CDH18: variants seen among roughly 807,000 people sequenced by gnomAD.
The protein encoded by CDH18 is cadherin-18.
In CDH18, 31 loss-of-function variants were observed where a neutral mutation model predicts 67.9. The observed-to-expected ratio is 0.46, with a 90% CI of 0.34 to 0.62. The LOEUF (loss-of-function observed/expected upper bound fraction) is 0.62, where lower values mean the gene tolerates loss of function less well. Ranked by LOEUF, CDH18 falls within the 20% of genes least tolerant of loss-of-function variation. CDH18 has a pLI of 0.01. For missense variants in CDH18, 890 were observed against 975.5 expected, an observed-to-expected ratio of 0.91 and a Z score of 1.17; for synonymous variants, 362 against 347.2, an observed-to-expected ratio of 1.04 and a Z score of -0.48.
chr5:19,549,286 T>G (rs1464391071), intron 8 of CDH18, among the ~76,000 whole-genome samples: 2 of 152,076 alleles, frequency 1.3e-5, no homozygotes, highest in Admixed American at 6.6e-5. Flanking sequence ...AGCCTGGGAC[T>G]TCTTCTCACT....
intron 2 of CDH18, among the ~76,000 whole-genome samples, chr5:19,886,856 CT>C (rs757536508): frequency 6.6e-5 from 10 of 152,096 alleles, no homozygotes; most frequent in Non-Finnish European, 1.5e-4. Flanking sequence ...ATATACTATT[CT>C]TTTTGTGTGG....
intron 3 of CDH18, among the ~76,000 whole-genome samples, chr5:19,801,315 T>C (rs1581409638): frequency 1.3e-5 from 2 of 152,344 alleles, no homozygotes; most frequent in East Asian, 3.9e-4. Flanking sequence ...ATCACTATTT[T>C]ACAGGTGTCA....
chr5:20,226,375 T>C (rs1444570474), intron 2 of CDH18, among the ~76,000 whole-genome samples: 1 of 152,120 alleles, frequency 6.6e-6, no homozygotes, highest in Non-Finnish European at 1.5e-5. Context: ...TGGGTGATTA[T>C]TATAATTAAA....
intron 5 of CDH18, among the ~76,000 whole-genome samples, chr5:19,716,404 T>G (rs566982140): frequency 1.1e-3 from 175 of 152,216 alleles, no homozygotes; most frequent in Middle Eastern, 3.4e-3. Context: ...TTATATTAAT[T>G]AAACTATAAC....
chr5:20,486,708 T>C (rs1753209179), intron 1 of CDH18, among the ~76,000 whole-genome samples: 1 of 150,652 alleles, frequency 6.6e-6, no homozygotes, highest in Non-Finnish European at 1.5e-5. Flanking sequence ...TACATATATG[T>C]GTGTGTGTGT....
At chr5:19,954,001 C>T (rs1399762881) in intron 2 of CDH18, among the ~76,000 whole-genome samples, 1 of 152,152 alleles carries the variant, frequency 6.6e-6, no homozygotes, top group East Asian at 1.9e-4. Flanking sequence ...TATAGCCATA[C>T]AATTCAGATT....
At chr5:20,456,033 T>C (rs1750811949) in intron 1 of CDH18, among the ~76,000 whole-genome samples, 1 of 152,136 alleles carries the variant, frequency 6.6e-6, no homozygotes, top group South Asian at 2.1e-4. Context: ...ATTTGGTTGC[T>C]AAGACAAGCA....
rs764611303 is a variant in CDH18, at chr5:19,503,033, C to T, written c.1589G>A (p.Arg530His). The change falls in exon 11 of 13, where the codon CGC becomes CAC. Residue 530 changes from arginine (R) to histidine (H), a missense_variant. Transcript: ENST00000382275. ...AGTGAAGTTTGGATTTACAGGCAGG[C>T]GTTCATCAAGAAAGAAGTTAAACCT... ...GPRFNFFLDE[R>H]LPVNPNFTLK... 33 of 1,611,486 alleles carry T rather than the reference C, an allele frequency of 2.0e-5. No homozygotes were observed. The highest frequency in any genetic ancestry group is 1.2e-4 in the Admixed American group (7 of 59,908).
intron 2 of CDH18, among the ~76,000 whole-genome samples, chr5:20,090,954 G>A (rs183952633): frequency 8.6e-5 from 13 of 151,890 alleles, no homozygotes; most frequent in Admixed American, 1.3e-4. Flanking sequence ...GGAGGCTCTA[G>A]TGGGAGAATG....
intron 8 of CDH18, among the ~76,000 whole-genome samples, chr5:19,558,221 T>TCTAC (rs1247101312): frequency 6.6e-6 from 1 of 151,456 alleles, no homozygotes; most frequent in Admixed American, 6.6e-5. Context: ...CAATCTAAGG[T>TCTAC]AACATGTCAA....
At position 20,423,990 on chromosome 5, in the gene CDH18, A is replaced by C. The variant is rs573574849; in HGVS notation, c.-580+151472T>G. ...AAAAAAAATTGTCCTAGAAATAGAA[A>C]AAAAGTAACAAACATGAAAGTCAGT... On this transcript the variant is annotated intron_variant, in intron 1 of 14. Coordinates refer to the CDH18 transcript ENST00000507958. Among the ~76,000 whole-genome samples, 65 of 149,580 alleles carry C rather than the reference A, an allele frequency of 4.3e-4. 3 individuals carry two copies. The South Asian group carries it at 0.013, about 31-fold the overall frequency.
intron 2 of CDH18, among the ~76,000 whole-genome samples, chr5:20,081,589 C>T (rs1744480230): frequency 6.6e-6 from 1 of 152,140 alleles, no homozygotes; most frequent in African/African-American, 2.4e-5. Flanking sequence ...AAATATGGTG[C>T]ATATATACCA....
rs145103011 is a variant in CDH18 at position 19,511,390 on chromosome 5, T to C, written c.1513-8281A>G. Among the ~76,000 whole-genome samples the C allele has an allele frequency of 5.4e-3, 826 of 152,060 alleles. 11 individuals are homozygous for C. Among genetic ancestry groups the C allele is most frequent in the African/African-American group, 0.016 (652 of 41,498 alleles). ...TACAAAGATACCAAAAAATGTGAAA[T>C]TGACTTTGGAACTGGGTAAGAGGCA... On this transcript the variant is annotated intron_variant, in intron 10 of 12. Transcript: ENST00000382275.
chr5:20,446,022 T>TA (rs1389954863), intron 1 of CDH18, among the ~76,000 whole-genome samples: 1 of 152,112 alleles, frequency 6.6e-6, no homozygotes, highest in African/African-American at 2.4e-5. Flanking sequence ...GATTGAAGTT[T>TA]ATGGTTACAG....
At chr5:20,534,523 T>TA (rs969696524) in intron 1 of CDH18, among the ~76,000 whole-genome samples, 2 of 152,020 alleles carry the variant, frequency 1.3e-5, no homozygotes, top group African/African-American at 2.4e-5. Context: ...TGTTTATGAG[T>TA]AAAAAAAGGT....
intron 1 of CDH18, among the ~76,000 whole-genome samples, chr5:20,263,001 A>C: frequency 3.9e-5 from 1 of 25,458 alleles, no homozygotes; most frequent in South Asian, 1.3e-3. Context: ...AGGGAAGGGG[A>C]GGGGAGGGAG....
intron 1 of CDH18, among the ~76,000 whole-genome samples, chr5:20,537,989 C>T (rs1756824837): frequency 6.6e-6 from 1 of 152,082 alleles, no homozygotes; most frequent in South Asian, 2.1e-4. Context: ...TTAATCTTCT[C>T]TTTGTATTTT....
intron 1 of CDH18, among the ~76,000 whole-genome samples, chr5:20,405,490 GA>G (rs1324493919): frequency 2.6e-5 from 4 of 152,174 alleles, no homozygotes; most frequent in Non-Finnish European, 4.4e-5. Context: ...AACCTGAGAA[GA>G]AAACCTAGGC....
intron 1 of CDH18, among the ~76,000 whole-genome samples, chr5:20,568,071 C>T (rs905759340): frequency 6.6e-6 from 1 of 152,094 alleles, no homozygotes; most frequent in Non-Finnish European, 1.5e-5. Flanking sequence ...AGCTTTTTAC[C>T]TCTAGAACCT....
Sources: gnomAD v4.1 joint callset for allele counts (sites outside exome capture counted in the v4.1 genomes callset) on GRCh38, gnomAD v4.1.1 for gene constraint, MANE v1.5 for transcripts, NCBI Gene and HGNC (gene_info 2026-07-23, HGNC 2026-07-21) for gene names.